ASPHD2: variants seen among roughly 807,000 people sequenced by gnomAD.
ASPHD2 encodes aspartate beta-hydroxylase domain-containing protein 2.
Under a neutral mutation model 34.6 loss-of-function variants are expected in ASPHD2, and 12 were observed. The observed-to-expected ratio is 0.35, with a 90% CI of 0.22 to 0.56. The LOEUF (loss-of-function observed/expected upper bound fraction) is 0.56, where lower values mean the gene tolerates loss of function less well. Ranked by LOEUF, ASPHD2 falls within the 20% of genes least tolerant of loss-of-function variation. The pLI, the probability that ASPHD2 is intolerant of heterozygous loss-of-function variation, is 0.87. For missense variants in ASPHD2, 375 were observed against 505.0 expected (o/e 0.74, Z 2.47); for synonymous variants, 224 against 212.2 (o/e 1.06, Z -0.48).
chr22:26,434,539 T>G, intron 2 of ASPHD2, 38 bp downstream of exon 2: 2 of 1,528,198 alleles, frequency 1.3e-6, no homozygotes, highest in Non-Finnish European at 1.8e-6. Flanking sequence ...GCATGCACAT[T>G]TGCAAGCTCA....
Position 26,434,874 on chromosome 22 carries a change from C to T in ASPHD2, c.886+373C>T, listed in dbSNP as rs562933147. Among the ~76,000 whole-genome samples, 15 of 152,310 alleles carry T rather than the reference C, an allele frequency of 9.8e-5. No individual in the cohort carries two copies. The South Asian group carries it at 1.0e-3, about 11-fold the overall frequency. On this transcript the variant is annotated intron_variant, in intron 2 of 3. Coordinates refer to ENST00000215906, the MANE Select transcript of ASPHD2 (RefSeq NM_020437.5). ...TTAATTTAAATAGCAGTGACACATA[C>T]GGCTAGTGGCTACCGTATGGGGACA...
At chr22:26,434,943 T>A (rs911423534) in intron 2 of ASPHD2, among the ~76,000 whole-genome samples, 1 of 152,210 alleles carries the variant, frequency 6.6e-6, no homozygotes, top group African/African-American at 2.4e-5. Flanking sequence ...ATTACCGAGC[T>A]TCATAATGAT....
At position 26,433,603 on chromosome 22, in the gene ASPHD2, C is replaced by G. The variant is rs377727445; in HGVS notation, c.-13C>G. On this transcript the variant is annotated 5_prime_UTR_variant, in exon 2 of 4. Transcript: ENST00000215906. This position sits in a 1 kb window ranked among gnomAD's most constrained non-coding sequence, Gnocchi z 5.1. ...CCTGCCCCAGCCGCTCCTTCCCCCC[C>G]ACGCTAATCTGCATGGTGTGGGCGC... is the stretch of plus-strand genomic sequence containing the variant. 62 of 1,604,362 alleles carry G rather than the reference C, an allele frequency of 3.9e-5. No individual in the cohort carries two copies. The highest frequency in any genetic ancestry group is 5.2e-5 in the Admixed American group (3 of 57,408).
In ASPHD2 at chr22:26,443,205, G is replaced by A. The variant is rs2084868382; in HGVS notation, c.1109G>A (p.Ter370=). 1 of 1,613,884 alleles carries A rather than the reference G, an allele frequency of 6.2e-7. No homozygotes were observed. The highest frequency in any genetic ancestry group is 8.5e-7 in the Non-Finnish European group (1 of 1,179,764). ...GATTTCATCTTTGCTCCGGGACGAT[G>A]AGAGTATTTCCCATGCTGGAGTCGG... ...ALDFIFAPGR[*] The change falls in exon 4 of 4, where the codon TGA becomes TAA. Residue 370 remains the stop codon, a stop_retained_variant. Coordinates refer to ENST00000215906, the MANE Select transcript of ASPHD2 (RefSeq NM_020437.5).
chr22:26,439,025 C>T (rs890497095), intron 2 of ASPHD2, among the ~76,000 whole-genome samples: 1 of 152,278 alleles, frequency 6.6e-6, no homozygotes, highest in East Asian at 1.9e-4. Context: ...CATAGACACA[C>T]CCAGGATTAA....
At chr22:26,435,836 G>A (rs1243637793) in intron 2 of ASPHD2, among the ~76,000 whole-genome samples, 1 of 152,248 alleles carries the variant, frequency 6.6e-6, no homozygotes, top group Admixed American at 6.5e-5. Context: ...GGAGGCTTTG[G>A]GGGAGGTGGC....
intron 2 of ASPHD2, among the ~76,000 whole-genome samples, chr22:26,440,142 T>A (rs2080350830): frequency 1.3e-5 from 2 of 152,088 alleles, no homozygotes; most frequent in African/African-American, 4.8e-5. Flanking sequence ...TCTGAAATCA[T>A]TAGATGGCCA....
chr22:26,441,045 G>A (rs1270913806), intron 2 of ASPHD2, among the ~76,000 whole-genome samples: 5 of 152,254 alleles, frequency 3.3e-5, no homozygotes, highest in African/African-American at 1.2e-4. Flanking sequence ...GATCTAGATG[G>A]TGGCTTATAA....
intron 3 of ASPHD2, 44 bp downstream of exon 3, chr22:26,442,616 CT>C: frequency 6.9e-7 from 1 of 1,452,560 alleles, no homozygotes; most frequent in South Asian, 1.2e-5. Flanking sequence ...AATGAATAGA[CT>C]TTTATTTTTT....
At chr22:26,438,492 TAC>T (rs549437838) in intron 2 of ASPHD2, among the ~76,000 whole-genome samples, 6 of 97,766 alleles carry the variant, frequency 6.1e-5, no homozygotes, top group Admixed American at 4.2e-4. Context: ...TATATATAGA[TAC>T]ACACATACAT....
chr22:26,439,228 A>T (rs1351083034), intron 2 of ASPHD2, among the ~76,000 whole-genome samples: 1 of 152,016 alleles, frequency 6.6e-6, no homozygotes, highest in Non-Finnish European at 1.5e-5. Flanking sequence ...GTGAAGCCCC[A>T]TCTCTACTAA....
At chr22:26,430,266 G>T (rs2084748792) in intron 1 of ASPHD2, among the ~76,000 whole-genome samples, 1 of 152,174 alleles carries the variant, frequency 6.6e-6, no homozygotes, top group Admixed American at 6.5e-5. Flanking sequence ...GCAGCCTCTG[G>T]GAATGGACAT....
At position 26,443,103 on chromosome 22, in the gene ASPHD2, C is replaced by G. The variant is rs748733963; in HGVS notation, c.1007C>G (p.Ala336Gly). 6 of 1,613,686 alleles carry G rather than the reference C, an allele frequency of 3.7e-6. No individual in the cohort carries two copies. The African/African-American group carries it at 4.0e-5, about 11-fold the overall frequency. Residue 336 changes from alanine to glycine, a missense_variant, in exon 4 of 4, where the codon GCA (alanine) becomes GGA (glycine). Transcript: ENST00000215906. ...FLHAAFHEGS[A>G]EDGPRVVFMV... ...ACCCCTCCTTCCCCCCCAGGTTCAG[C>G]AGAGGATGGCCCACGGGTGGTTTTC...
At chr22:26,430,109 C>T (rs2084747576) in intron 1 of ASPHD2, among the ~76,000 whole-genome samples, 1 of 152,212 alleles carries the variant, frequency 6.6e-6, no homozygotes, top group South Asian at 2.1e-4. Context: ...AGGTCTGCAC[C>T]GGGAAGGGCT....
intron 2 of ASPHD2, among the ~76,000 whole-genome samples, chr22:26,436,139 A>C (rs1479031533): frequency 6.6e-6 from 1 of 152,192 alleles, no homozygotes; most frequent in Non-Finnish European, 1.5e-5. Context: ...CAGGCTTCGG[A>C]AGCAAACAGA....
rs192858139 is a variant in ASPHD2, at chr22:26,429,703, G to T, written c.-225+217G>T. On this transcript the variant is annotated intron_variant, in intron 1 of 3. Coordinates refer to ENST00000215906, the MANE Select transcript of ASPHD2 (RefSeq NM_020437.5). The surrounding 1 kb of genome is among the most constrained non-coding windows in gnomAD (Gnocchi z 4.5). ...GTGCTCGTACGTGCTAAGCGCCGCC[G>T]CCTCGGAGCCGGGCATCACCCTCCC... Among the ~76,000 whole-genome samples the T allele has an allele frequency of 0.01, 1,564 of 151,974 alleles. 14 individuals carry two copies. Among genetic ancestry groups the T allele is most frequent in the Middle Eastern group, 0.054 (16 of 294 alleles).
rs767679005 is a variant in ASPHD2 at position 26,434,220 on chromosome 22, T to C, written c.605T>C (p.Phe202Ser). The change falls in exon 2 of 4, where the codon TTT (phenylalanine) becomes TCT (serine). Residue 202 changes from phenylalanine (F) to serine (S), a missense_variant. By Grantham distance (155) the Phe-to-Ser change is radical. Transcript: ENST00000215906. ...AACTTCCAGACCATCCTGTGTGAGT[T>C]TGAGACCCTCTACAAAGCTTTCTCA... is the stretch of plus-strand genomic sequence containing the variant. ...ERNFQTILCE[F>S]ETLYKAFSNC... 1.2e-6 allele frequency: 2 copies of C among 1,614,106 alleles called. No homozygotes were observed. Among genetic ancestry groups the C allele is most frequent in the South Asian group, 1.1e-5 (1 of 91,086 alleles).
chr22:26,439,164 C>G (rs545275590), intron 2 of ASPHD2, among the ~76,000 whole-genome samples: 1 of 152,092 alleles, frequency 6.6e-6, no homozygotes, highest in South Asian at 2.1e-4. Context: ...TTTGGGAGGC[C>G]GAGTCAGGTG....
At chr22:26,442,872 T>G (rs1042071426) in intron 3 of ASPHD2, among the ~76,000 whole-genome samples, 7 of 152,160 alleles carry the variant, frequency 4.6e-5, no homozygotes, top group Non-Finnish European at 7.3e-5. Flanking sequence ...AAATTCCCAC[T>G]TAAAGATCCC....
Sources: allele counts gnomAD v4.1 joint callset (sites outside exome capture counted in the v4.1 genomes callset), GRCh38; gene constraint gnomAD v4.1.1; non-coding constraint Gnocchi (gnomAD v3.1); transcripts MANE v1.5; gene names NCBI Gene and HGNC (gene_info 2026-07-23, HGNC 2026-07-21).